The following CCDC141 variants were observed in gnomAD, a reference collection of about 807,000 sequenced individuals.
CCDC141 encodes the protein coiled-coil domain containing 141, also known as coiled-coil domain-containing protein 141.
A neutral mutation model predicts 181.0 loss-of-function variants in CCDC141; 168 were observed. The observed-to-expected ratio is 0.93, with a 90% CI of 0.82 to 1.05. The LOEUF (loss-of-function observed/expected upper bound fraction) is 1.05, where lower values mean the gene tolerates loss of function less well. CCDC141 is among the 50% of genes least tolerant of loss of function. The pLI, the probability that CCDC141 is intolerant of heterozygous loss-of-function variation, is 0.00. For missense variants in CCDC141, 1,902 were observed against 1,788.5 expected (o/e 1.06, Z -1.14); for synonymous variants, 666 against 642.3 (o/e 1.04, Z -0.56).
intron 2 of CCDC141, among the ~76,000 whole-genome samples, chr2:179,008,806 C>T (rs1303226970): frequency 1.3e-5 from 2 of 152,158 alleles, no homozygotes; most frequent in Admixed American, 1.3e-4. Context: ...TGTCCCTCTT[C>T]ACTGTTGTTC....
At position 178,837,140 on chromosome 2, in the gene CCDC141, T is replaced by C; in HGVS notation, c.4079A>G (p.Asp1360Gly). The C allele has an allele frequency of 1.2e-6, 2 of 1,613,944 alleles. No homozygotes were observed. The highest frequency in any genetic ancestry group is 4.5e-5 in the East Asian group (2 of 44,808). The change falls in exon 23 of 24, where the codon GAT becomes GGT. Residue 1360 changes from aspartate (D) to glycine (G), a missense_variant. Asp to Gly is a moderately conservative substitution (Grantham distance 94, BLOSUM62 -1). Coordinates refer to ENST00000443758, the MANE Select transcript of CCDC141 (RefSeq NM_173648.4). ...HADNNFTKTQ[D>G]RLHASSDAFS... ...TGCATCAGAGGAAGCATGCAGCCTA[T>C]CTTGGGTTTTAGTGAAGTTATTATC...
In CCDC141 at chr2:178,869,237, T is replaced by C. The variant is rs1237611501; in HGVS notation, c.2274A>G (p.Val758=). 6.2e-7 allele frequency: 1 copy of C among 1,613,588 alleles called. No homozygotes were observed. Among genetic ancestry groups the C allele is most frequent in the Non-Finnish European group, 8.5e-7 (1 of 1,179,790 alleles). ...CCTTCAGTTGTTGAGACTTTTCTTTTACAGGGGCTCCTCTGCCAGTTAACT... is the reference window on the plus strand; with the variant it reads ...CCTTCAGTTGTTGAGACTTTTCTTTCACAGGGGCTCCTCTGCCAGTTAACT... The part of the protein sequence containing the change: ...SEELTGRGAP[V]KEKSQQLKDL... The change falls in exon 15 of 24, where the codon GTA becomes GTG. Residue 758 remains valine (V), a synonymous_variant. Coordinates refer to ENST00000443758, the MANE Select transcript of CCDC141 (RefSeq NM_173648.4).
chr2:178,918,803 G>A lies in CCDC141; in HGVS notation c.1002C>T (p.Leu334=). ...KEHLQLSHQK[L]SQLQEEFGQL... is the part of the protein sequence containing the mutation. ...GACCAAATTCTTCTTGAAGCTGACT[G>A]AGTTTCTGGTGAGAGAGCTGGAGGT... The change falls in exon 7 of 24, where the codon CTC becomes CTT. Residue 334 remains leucine (L), a synonymous_variant. Transcript: ENST00000443758. 1 of 1,550,610 alleles carries A rather than the reference G, an allele frequency of 6.4e-7. No individual in the cohort carries two copies. Among genetic ancestry groups the A allele is most frequent in the African/African-American group, 1.4e-5 (1 of 73,180 alleles).
intron 16 of CCDC141, among the ~76,000 whole-genome samples, chr2:178,866,785 G>T (rs1284037388): frequency 6.6e-6 from 1 of 152,082 alleles, no homozygotes; most frequent in Non-Finnish European, 1.5e-5. Flanking sequence ...GAGTGCAATG[G>T]CTGGATCTCA....
At chr2:178,896,622 C>A (rs1260160873) in intron 8 of CCDC141, among the ~76,000 whole-genome samples, 1 of 152,118 alleles carries the variant, frequency 6.6e-6, no homozygotes, top group African/African-American at 2.4e-5. Flanking sequence ...GTTCATTTAG[C>A]CAACAGGCTT....
chr2:178,996,901 C>T lies in CCDC141; in HGVS notation c.226-18226G>A, dbSNP rs371614747. ...TTCAAATTTCCTTGGAATTTTAGAT[C>T]GCTCTTAAGCTGCTGGGATCAGAGG... On this transcript the variant is annotated intron_variant, in intron 2 of 23. Coordinates refer to ENST00000443758, the MANE Select transcript of CCDC141 (RefSeq NM_173648.4). Among the ~76,000 whole-genome samples, 7 of 152,302 alleles carry T rather than the reference C, an allele frequency of 4.6e-5. No individual in the cohort carries two copies. In the East Asian group the frequency reaches 5.8e-4, roughly 13 times the overall value.
At chr2:179,005,324 G>A (rs75570180) in intron 2 of CCDC141, among the ~76,000 whole-genome samples, 1 of 138,950 alleles carries the variant, frequency 7.2e-6, no homozygotes, top group East Asian at 2.2e-4. Flanking sequence ...TAAAAAAAAA[G>A]GTTTAGAAAA....
At chr2:178,985,543 G>A (rs1575306994) in intron 2 of CCDC141, among the ~76,000 whole-genome samples, 3 of 150,730 alleles carry the variant, frequency 2.0e-5, no homozygotes, top group African/African-American at 7.3e-5. Flanking sequence ...TTTTTTGAAA[G>A]GATCAACAAA....
chr2:179,015,962 T>G (rs1238058750), intron 2 of CCDC141, among the ~76,000 whole-genome samples: 1 of 146,858 alleles, frequency 6.8e-6, no homozygotes, highest in East Asian at 2.1e-4. Flanking sequence ...CTCATATATA[T>G]CATATATATA....
At chr2:178,967,803 G>A (rs4893860) in intron 4 of CCDC141, among the ~76,000 whole-genome samples, 148,315 of 152,250 alleles carry the variant, frequency 0.97, 72,341 homozygotes, top group Middle Eastern at 1. Context: ...GGCAAATCGG[G>A]TAGAGTCAAG....
intron 17 of CCDC141, among the ~76,000 whole-genome samples, chr2:178,864,834 G>A (rs1211892301): frequency 1.3e-5 from 2 of 152,226 alleles, no homozygotes. Flanking sequence ...AACAGAAAGT[G>A]AAGAAAGTTT....
chr2:178,980,818 T>C (rs1301598516), intron 2 of CCDC141, among the ~76,000 whole-genome samples: 2 of 152,156 alleles, frequency 1.3e-5, no homozygotes, highest in Non-Finnish European at 2.9e-5. Context: ...CCTCAAGACA[T>C]CATATTGTAC....
chr2:178,878,202 C>G, intron 11 of CCDC141, 59 bp from the exon 12 acceptor site: 2 of 1,117,412 alleles, frequency 1.8e-6, no homozygotes, highest in South Asian at 1.7e-5. Context: ...AGAAAAAGAA[C>G]AGTAGATTCC....
At chr2:178,900,498 T>A (rs1337893020) in intron 8 of CCDC141, among the ~76,000 whole-genome samples, 2 of 151,956 alleles carry the variant, frequency 1.3e-5, no homozygotes, top group Admixed American at 1.3e-4. Flanking sequence ...TTTCATAGAG[T>A]TTTTTGTTTG....
chr2:179,041,690 C>T (rs2043312510), intron 2 of CCDC141, among the ~76,000 whole-genome samples: 1 of 151,882 alleles, frequency 6.6e-6, no homozygotes, highest in Non-Finnish European at 1.5e-5. Flanking sequence ...CAAAGACTCA[C>T]ATAGGCTCAA....
chr2:178,997,143 T>G (rs1009578689), intron 2 of CCDC141, among the ~76,000 whole-genome samples: 1 of 152,114 alleles, frequency 6.6e-6, no homozygotes. Flanking sequence ...ACCCTGGCAG[T>G]TTTTTGATGT....
At chr2:178,866,924 C>T (rs1188399944) in intron 16 of CCDC141, among the ~76,000 whole-genome samples, 1 of 152,110 alleles carries the variant, frequency 6.6e-6, no homozygotes, top group Non-Finnish European at 1.5e-5. Flanking sequence ...CGGAGTTTTG[C>T]CATGTTGGCC....
chr2:178,844,701 G>A (rs555681985), intron 22 of CCDC141, among the ~76,000 whole-genome samples: 3 of 152,198 alleles, frequency 2.0e-5, no homozygotes, highest in Non-Finnish European at 4.4e-5. Flanking sequence ...GAACCATACT[G>A]ACTTCAAGGA....
intron 8 of CCDC141, among the ~76,000 whole-genome samples, chr2:178,901,286 A>G (rs1334284893): frequency 1.3e-5 from 2 of 152,146 alleles, no homozygotes; most frequent in Admixed American, 1.3e-4. Flanking sequence ...TACCAAAGCA[A>G]GGCAGAGACA....
Sources: allele counts gnomAD v4.1 joint callset (sites outside exome capture counted in the v4.1 genomes callset), GRCh38; gene constraint gnomAD v4.1.1; transcripts MANE v1.5; gene names NCBI Gene and HGNC (gene_info 2026-07-23, HGNC 2026-07-21).